Variants in CABCOCO1 observed in about 807,000 individuals in gnomAD.
CABCOCO1 encodes the protein ciliary associated calcium binding coiled-coil 1.
CABCOCO1 carries 28 observed loss-of-function variants against 35.7 expected under a neutral mutation model. The observed-to-expected ratio is 0.78, with a 90% confidence interval of 0.58 to 1.07. CABCOCO1 has a LOEUF of 1.07. CABCOCO1 is among the 50% of genes least tolerant of loss of function. CABCOCO1 has a pLI of 0.00. For synonymous variants in CABCOCO1, 95 were observed against 100.1 expected (o/e 0.95, Z 0.30); for missense variants, 326 against 309.2 (o/e 1.05, Z -0.41).
Position 61,675,215 on chromosome 10 carries a change from C to G in CABCOCO1, c.164+2480C>G, listed in dbSNP as rs1839476322. Reference sequence around the variant, plus strand: ...CATGCTACCGCCATAGCCATCTCTCCCCTCTCCCCTGTTCCAGCTCCCGTT... The same window carrying G: ...CATGCTACCGCCATAGCCATCTCTCGCCTCTCCCCTGTTCCAGCTCCCGTT... On this transcript the variant is annotated intron_variant, in intron 2 of 7. Coordinates refer to ENST00000648843, the MANE Select transcript of CABCOCO1 (RefSeq NM_001366906.2). 5.3e-5 allele frequency among the ~76,000 whole-genome samples: 8 copies of G among 152,276 alleles called. No individual in the cohort carries two copies. In the South Asian group the frequency reaches 1.7e-3, roughly 32 times the overall value.
intron 5 of CABCOCO1, among the ~76,000 whole-genome samples, chr10:61,709,409 T>TAA (rs1293136152): frequency 6.6e-6 from 1 of 152,044 alleles, no homozygotes; most frequent in African/African-American, 2.4e-5. Context: ...CATTTGGAAC[T>TAA]AAGTCAGTTT....
chr10:61,753,782 A>G (rs182133569), intron 5 of CABCOCO1, among the ~76,000 whole-genome samples: 1 of 152,272 alleles, frequency 6.6e-6, no homozygotes, highest in Non-Finnish European at 1.5e-5. Context: ...CATTCTATCT[A>G]GGTCTCAAAA....
chr10:61,680,320 AT>A (rs1332733408), intron 2 of CABCOCO1, among the ~76,000 whole-genome samples: 2 of 136,916 alleles, frequency 1.5e-5, no homozygotes, highest in African/African-American at 2.6e-5. Flanking sequence ...CAAAAAAAAT[AT>A]ATATATATAT....
intron 3 of CABCOCO1, among the ~76,000 whole-genome samples, chr10:61,682,661 A>C (rs916254245): frequency 1.3e-5 from 2 of 152,222 alleles, no homozygotes; most frequent in African/African-American, 4.8e-5. Context: ...TGCCAGTCAT[A>C]GTGCTATTTG....
At chr10:61,698,152 A>G (rs1840344313) in intron 5 of CABCOCO1, among the ~76,000 whole-genome samples, 1 of 152,184 alleles carries the variant, frequency 6.6e-6, no homozygotes, top group African/African-American at 2.4e-5. Context: ...ACATATATAC[A>G]CATTTGTGTT....
At chr10:61,749,899 T>C (rs2132078512) in intron 5 of CABCOCO1, among the ~76,000 whole-genome samples, 1 of 152,148 alleles carries the variant, frequency 6.6e-6, no homozygotes, top group African/African-American at 2.4e-5. Flanking sequence ...TTGAAGGACC[T>C]ACTATTTATA....
At chr10:61,754,746 A>G (rs1324441824) in intron 5 of CABCOCO1, among the ~76,000 whole-genome samples, 1 of 152,098 alleles carries the variant, frequency 6.6e-6, no homozygotes, top group Non-Finnish European at 1.5e-5. Flanking sequence ...GGAATGGGTA[A>G]TCTTCATTTC....
intron 5 of CABCOCO1, among the ~76,000 whole-genome samples, chr10:61,722,155 C>A (rs769158814): frequency 6.6e-6 from 1 of 152,124 alleles, no homozygotes; most frequent in African/African-American, 2.4e-5. Flanking sequence ...TACACACAAA[C>A]TATATCTATA....
At chr10:61,698,181 A>T (rs1444664718) in intron 5 of CABCOCO1, among the ~76,000 whole-genome samples, 1 of 152,194 alleles carries the variant, frequency 6.6e-6, no homozygotes, top group East Asian at 1.9e-4. Flanking sequence ...AAAACATAAG[A>T]TTAAGTCTGC....
At chr10:61,739,787 G>A (rs1447672573) in intron 5 of CABCOCO1, among the ~76,000 whole-genome samples, 3 of 151,836 alleles carry the variant, frequency 2.0e-5, no homozygotes, top group Non-Finnish European at 4.4e-5. Flanking sequence ...CTAAAAATAC[G>A]AAAATTTAGC....
chr10:61,761,108 C>G, intron 7 of CABCOCO1, 105 bp downstream of exon 7: 7 of 1,217,656 alleles, frequency 5.7e-6, no homozygotes, highest in Non-Finnish European at 8.1e-6. Flanking sequence ...ATGAGCGATG[C>G]TTATGACGAA....
intron 7 of CABCOCO1, among the ~76,000 whole-genome samples, chr10:61,763,352 A>C (rs922207685): frequency 6.6e-6 from 1 of 151,990 alleles, no homozygotes; most frequent in Non-Finnish European, 1.5e-5. Context: ...CCATTGACTC[A>C]CTTTATGGTT....
chr10:61,754,633 A>G (rs1284872085), intron 5 of CABCOCO1, among the ~76,000 whole-genome samples: 1 of 152,140 alleles, frequency 6.6e-6, no homozygotes, highest in Admixed American at 6.6e-5. Flanking sequence ...AAATCAAGAG[A>G]TAAATAAAAA....
chr10:61,741,159 A>T (rs1841541571), intron 5 of CABCOCO1, among the ~76,000 whole-genome samples: 1 of 151,860 alleles, frequency 6.6e-6, no homozygotes, highest in Non-Finnish European at 1.5e-5. Context: ...AAAAAAAATA[A>T]AATAATAAAA....
intron 5 of CABCOCO1, among the ~76,000 whole-genome samples, chr10:61,712,081 T>C (rs1474298043): frequency 6.6e-6 from 1 of 152,164 alleles, no homozygotes. Flanking sequence ...ATGGTTGAAC[T>C]AATTTACACT....
At chr10:61,764,213 G>T (rs1041785014) in intron 7 of CABCOCO1, among the ~76,000 whole-genome samples, 8 of 152,108 alleles carry the variant, frequency 5.3e-5, no homozygotes, top group Non-Finnish European at 8.8e-5. Flanking sequence ...GACATTAATT[G>T]AAAGTGGGAA....
At chr10:61,749,912 G>A (rs757027250) in intron 5 of CABCOCO1, among the ~76,000 whole-genome samples, 7 of 151,182 alleles carry the variant, frequency 4.6e-5, no homozygotes, top group Non-Finnish European at 1.0e-4. Flanking sequence ...TATTTATAAC[G>A]TGCTTTCTAA....
chr10:61,696,238 T>C (rs1363562996), intron 5 of CABCOCO1, among the ~76,000 whole-genome samples: 1 of 152,054 alleles, frequency 6.6e-6, no homozygotes, highest in African/African-American at 2.4e-5. Flanking sequence ...CAAGGATGCC[T>C]ATTATATCCT....
intron 5 of CABCOCO1, among the ~76,000 whole-genome samples, chr10:61,738,191 A>T (rs1287630530): frequency 6.6e-6 from 1 of 152,122 alleles, no homozygotes; most frequent in African/African-American, 2.4e-5. Context: ...CCAGCAAATT[A>T]AATTTTGCTG....
Sources: allele counts gnomAD v4.1 joint callset (sites outside exome capture counted in the v4.1 genomes callset), GRCh38; gene constraint gnomAD v4.1.1; transcripts MANE v1.5; gene names NCBI Gene and HGNC (gene_info 2026-07-23, HGNC 2026-07-21).